The following PRKCA variants were observed in gnomAD, a reference collection of about 807,000 sequenced individuals.
PRKCA encodes the protein protein kinase C alpha.
A neutral mutation model predicts 87.0 loss-of-function variants in PRKCA; 27 were observed. That is an observed-to-expected ratio of 0.31 (90% confidence interval 0.23 to 0.43). PRKCA has a LOEUF of 0.43. Among genes scored for constraint, PRKCA ranks in the 20% least tolerant of loss-of-function variants. PRKCA has a pLI of 1.00. For missense variants in PRKCA, 518 were observed against 852.3 expected, an observed-to-expected ratio of 0.61 and a Z score of 4.88; for synonymous variants, 329 against 311.1, an observed-to-expected ratio of 1.06 and a Z score of -0.61.
chr17:66,442,485 C>T (rs988262101), intron 2 of PRKCA, among the ~76,000 whole-genome samples: 6 of 152,064 alleles, frequency 3.9e-5, no homozygotes, highest in African/African-American at 9.7e-5. Flanking sequence ...CTCCACCCCA[C>T]GCTTTCTGCC....
intron 2 of PRKCA, among the ~76,000 whole-genome samples, chr17:66,489,084 T>G (rs201476653): frequency 6.6e-6 from 1 of 152,038 alleles, no homozygotes; most frequent in East Asian, 1.9e-4. Context: ...ATGGCAACCA[T>G]TTTTGTATTT....
chr17:66,419,948 G>A (rs1433139366), intron 2 of PRKCA, among the ~76,000 whole-genome samples: 2 of 150,870 alleles, frequency 1.3e-5, no homozygotes, highest in African/African-American at 4.9e-5. Context: ...AACATAATGC[G>A]TCCTCAGTCA....
intron 5 of PRKCA, among the ~76,000 whole-genome samples, chr17:66,657,228 T>G (rs1971759154): frequency 6.6e-6 from 1 of 152,238 alleles, no homozygotes; most frequent in Non-Finnish European, 1.5e-5. Context: ...TGCCTTTACA[T>G]GCATTTTCCT....
At chr17:66,760,969 G>A (rs1974669501) in intron 13 of PRKCA, among the ~76,000 whole-genome samples, 1 of 152,168 alleles carries the variant, frequency 6.6e-6, no homozygotes. Context: ...GTAAAAAAGG[G>A]TGGCTACTCT....
chr17:66,623,198 G>T (rs985399546), intron 3 of PRKCA, among the ~76,000 whole-genome samples: 2 of 152,176 alleles, frequency 1.3e-5, no homozygotes, highest in Admixed American at 6.6e-5. Flanking sequence ...CAGATGAAAG[G>T]TCTAGAATTT....
intron 13 of PRKCA, among the ~76,000 whole-genome samples, chr17:66,761,534 G>A (rs1568018813): frequency 6.6e-6 from 1 of 151,470 alleles, no homozygotes; most frequent in South Asian, 2.1e-4. Context: ...TTGGCTCACT[G>A]CAACCTCTAC....
intron 3 of PRKCA, among the ~76,000 whole-genome samples, chr17:66,587,745 G>A (rs1165303933): frequency 9.4e-6 from 1 of 105,994 alleles, no homozygotes; most frequent in African/African-American, 3.6e-5. Context: ...ATACGTATAT[G>A]TGTGTATATG....
intron 8 of PRKCA, among the ~76,000 whole-genome samples, chr17:66,726,528 G>T (rs1233944613): frequency 6.6e-6 from 1 of 152,168 alleles, no homozygotes; most frequent in Non-Finnish European, 1.5e-5. Flanking sequence ...CAGCAGAAGA[G>T]GGAAGGGCGG....
At chr17:66,427,198 A>C (rs1912859243) in intron 2 of PRKCA, among the ~76,000 whole-genome samples, 1 of 151,934 alleles carries the variant, frequency 6.6e-6, no homozygotes, top group Non-Finnish European at 1.5e-5. Flanking sequence ...TGTCTGGCTA[A>C]TTTTTGTATT....
At chr17:66,684,838 G>A (rs1269194415) in intron 5 of PRKCA, among the ~76,000 whole-genome samples, 5 of 152,184 alleles carry the variant, frequency 3.3e-5, no homozygotes, top group African/African-American at 1.2e-4. Flanking sequence ...TCCAGTATTA[G>A]ACATTCCAGG....
intron 9 of PRKCA, 76 bp from the exon 10 acceptor site, chr17:66,735,413 C>A: frequency 6.6e-7 from 1 of 1,506,192 alleles, no homozygotes; most frequent in Non-Finnish European, 9.2e-7. Context: ...TGAGCCGTCA[C>A]CTGGCCTGGT....
At chr17:66,342,448 AATAAT>A (rs1178231161) in intron 2 of PRKCA, among the ~76,000 whole-genome samples, 59 of 24,008 alleles carry the variant, frequency 2.5e-3, no homozygotes, top group African/African-American at 0.015. Flanking sequence ...AATAAATAAT[AATAAT>A]AATAATAATA....
At chr17:66,742,031 C>T (rs1974168091) in intron 12 of PRKCA, among the ~76,000 whole-genome samples, 1 of 152,132 alleles carries the variant, frequency 6.6e-6, no homozygotes, top group Admixed American at 6.5e-5. Context: ...AAACTGAATT[C>T]CTGTTATAGA....
At chr17:66,770,580 C>T (rs1974912041) in intron 13 of PRKCA, among the ~76,000 whole-genome samples, 2 of 152,270 alleles carry the variant, frequency 1.3e-5, no homozygotes, top group Admixed American at 1.3e-4. Context: ...TGCCCCCTGA[C>T]TGGCCCCCTT....
chr17:66,501,078 A>G (rs1191819061), intron 3 of PRKCA, among the ~76,000 whole-genome samples: 1 of 152,204 alleles, frequency 6.6e-6, no homozygotes, highest in Non-Finnish European at 1.5e-5. Flanking sequence ...AAGAAGGTAC[A>G]ATCCTTGTGA....
At chr17:66,687,994 C>A (rs1598874538) in intron 6 of PRKCA, among the ~76,000 whole-genome samples, 1 of 152,132 alleles carries the variant, frequency 6.6e-6, no homozygotes, top group East Asian at 1.9e-4. Context: ...GGTCATATAG[C>A]CTCTGTTGCA....
chr17:66,461,866 C>T (rs989808791), intron 2 of PRKCA, among the ~76,000 whole-genome samples: 2 of 130,802 alleles, frequency 1.5e-5, no homozygotes, highest in African/African-American at 3.9e-5. Flanking sequence ...GGGTTCCTAA[C>T]TATCGAGGAG....
At chr17:66,633,520 G>A (rs527270314) in intron 3 of PRKCA, among the ~76,000 whole-genome samples, 1 of 152,264 alleles carries the variant, frequency 6.6e-6, no homozygotes, top group East Asian at 1.9e-4. Context: ...ACTTAGAGGG[G>A]AGCAGCTTCA....
intron 1 of PRKCA, among the ~76,000 whole-genome samples, chr17:66,303,730 C>T (rs899776313): frequency 6.6e-6 from 1 of 151,966 alleles, no homozygotes; most frequent in Non-Finnish European, 1.5e-5. Context: ...CGGCCAGGCG[C>T]GGTGGCTCAC....
Sources: gnomAD v4.1 joint callset for allele counts (sites outside exome capture counted in the v4.1 genomes callset) on GRCh38, gnomAD v4.1.1 for gene constraint, MANE v1.5 for transcripts, NCBI Gene and HGNC (gene_info 2026-07-23, HGNC 2026-07-21) for gene names.